PIK3R6: variants seen among roughly 807,000 people sequenced by gnomAD.
PIK3R6 encodes the protein phosphoinositide-3-kinase regulatory subunit 6, also known as phosphoinositide 3-kinase regulatory subunit 6.
PIK3R6 carries 91 observed loss-of-function variants against 84.9 expected under a neutral mutation model. The observed-to-expected ratio is 1.07, with a 90% confidence interval of 0.90 to 1.28. PIK3R6 has a LOEUF of 1.28. Ranked by LOEUF, PIK3R6 falls within the 50% of genes most tolerant of loss-of-function variation. The probability of loss-of-function intolerance (pLI) is 0.00; values close to 1 mark genes in which losing one functional copy is unlikely to be tolerated. For synonymous variants in PIK3R6, 416 were observed against 411.4 expected, an observed-to-expected ratio of 1.01 and a Z score of -0.13; for missense variants, 996 against 985.1, an observed-to-expected ratio of 1.01 and a Z score of -0.15.
In PIK3R6 at chr17:8,802,966, G is replaced by A; in HGVS notation, c.*307C>T. ...AAGGGCTGGATGGGGAGCTTGGGTGGGAGAGGACAGTGGGAGAAGTGGGAA... is the reference window on the plus strand; with the variant it reads ...AAGGGCTGGATGGGGAGCTTGGGTGAGAGAGGACAGTGGGAGAAGTGGGAA... On this transcript the variant is annotated 3_prime_UTR_variant, in exon 20 of 20. Coordinates refer to ENST00000619866, the MANE Select transcript of PIK3R6 (RefSeq NM_001010855.4). 1 of 325,470 alleles carries A rather than the reference G, an allele frequency of 3.1e-6. No homozygotes were observed. Among genetic ancestry groups the A allele is most frequent in the Non-Finnish European group, 5.8e-6 (1 of 173,834 alleles). 20.2% of individuals were successfully genotyped at this position (325,470 alleles called of 1,614,324 possible).
intron 18 of PIK3R6, among the ~76,000 whole-genome samples, chr17:8,811,388 TTGTC>T (rs966362343): frequency 2.0e-5 from 3 of 148,552 alleles, no homozygotes; most frequent in Admixed American, 6.8e-5. Flanking sequence ...ATTTTCCCCA[TTGTC>T]TTGGGGATTA....
chr17:8,853,476 C>T (rs1460783379), intron 1 of PIK3R6, among the ~76,000 whole-genome samples: 3 of 129,608 alleles, frequency 2.3e-5, no homozygotes, highest in African/African-American at 6.1e-5. Context: ...CAGAGCAAGA[C>T]TCCATCTCAA....
At chr17:8,817,740 G>A (rs918639188) in intron 18 of PIK3R6, among the ~76,000 whole-genome samples, 3 of 152,166 alleles carry the variant, frequency 2.0e-5, no homozygotes, top group Admixed American at 6.6e-5. Flanking sequence ...CAACATGGAG[G>A]TGACTTTGCC....
chr17:8,864,920 T>C (rs1228204860), intron 1 of PIK3R6, among the ~76,000 whole-genome samples: 1 of 152,158 alleles, frequency 6.6e-6, no homozygotes, highest in African/African-American at 2.4e-5. Context: ...GCATTCTTCC[T>C]TAAACACAGA....
In PIK3R6 at chr17:8,839,633, AG is replaced by A. The variant is rs1438722880; in HGVS notation, c.77del (p.Pro26LeufsTer55). On this transcript the variant is annotated frameshift_variant, in exon 3 of 20. Coordinates refer to ENST00000619866, the MANE Select transcript of PIK3R6 (RefSeq NM_001010855.4). LOFTEE classifies it high-confidence loss of function. This position sits in a 1 kb window ranked among gnomAD's most constrained non-coding sequence, Gnocchi z 4.2. ...TCTTACCTTGGTTGCTCTGCAGGGC[AG>A]GGGCCTGGGTGCTGAGCTCCCGGAG... ...AVLRELSTQA[P>X]ALQSNQGMWR... 2 of 1,575,218 alleles carry A rather than the reference AG, an allele frequency of 1.3e-6. No individual in the cohort carries two copies. Among genetic ancestry groups the A allele is most frequent in the Admixed American group, 1.9e-5 (1 of 53,876 alleles).
chr17:8,829,060 T>G, intron 10 of PIK3R6, 70 bp from the exon 11 acceptor site: 2 of 1,388,914 alleles, frequency 1.4e-6, no homozygotes, highest in Non-Finnish European at 9.6e-7. Flanking sequence ...TTTCAGCCAG[T>G]CCTCTTCAGA....
intron 18 of PIK3R6, among the ~76,000 whole-genome samples, chr17:8,814,237 T>TTTTTTTTTTC (rs2087455102): frequency 7.4e-6 from 1 of 135,834 alleles, no homozygotes; most frequent in Non-Finnish European, 1.6e-5. Context: ...TTTTTTTTTT[T>TTTTTTTTTTC]GAGACAGAGT....
chr17:8,822,700 C>T lies in PIK3R6; in HGVS notation c.1718-43G>A, dbSNP rs148859612. On this transcript the variant is annotated intron_variant, in intron 15 of 19. Transcript: ENST00000619866. The stretch of plus-strand genomic sequence containing the variant: ...GAGGCTTGGGGTGGAGGTTCCCAGG[C>T]CTCTTGCCCTAACTTCCCCACCTCT... 3.0e-4 allele frequency: 476 copies of T among 1,591,430 alleles called. 3 individuals are homozygous for T. The East Asian group carries it at 0.01, about 35-fold the overall frequency.
At chr17:8,832,371 CCTT>C (rs2088270479) in intron 9 of PIK3R6, among the ~76,000 whole-genome samples, 3 of 141,760 alleles carry the variant, frequency 2.1e-5, no homozygotes, top group Non-Finnish European at 4.5e-5. Flanking sequence ...AAATTACCCA[CCTT>C]CTTTTTTTTT....
intron 2 of PIK3R6, among the ~76,000 whole-genome samples, chr17:8,843,990 C>A (rs1311048751): frequency 6.6e-6 from 1 of 152,142 alleles, no homozygotes; most frequent in Non-Finnish European, 1.5e-5. Flanking sequence ...TGGCCCAGCC[C>A]AAGGGTGGAG....
intron 1 of PIK3R6, among the ~76,000 whole-genome samples, chr17:8,853,957 G>A (rs543497290): frequency 1.2e-4 from 15 of 125,200 alleles, no homozygotes; most frequent in East Asian, 4.2e-4. Flanking sequence ...GAGAGACTCC[G>A]TCTGAAAAAA....
At chr17:8,836,710 C>A in intron 6 of PIK3R6, 81 bp downstream of exon 6, 3 of 1,610,462 alleles carry the variant, frequency 1.9e-6, no homozygotes, top group African/African-American at 2.7e-5. Flanking sequence ...TTGAGCTCCC[C>A]GGTATCCTGG....
intron 10 of PIK3R6, 125 bp downstream of exon 10, chr17:8,829,581 C>A: frequency 1.0e-6 from 1 of 1,003,438 alleles, no homozygotes; most frequent in Non-Finnish European, 1.5e-6. Flanking sequence ...CACACAGACA[C>A]ACTGACACAC....
intron 8 of PIK3R6, 139 bp from the exon 9 acceptor site, chr17:8,833,184 G>A (rs948070381): frequency 1.8e-5 from 22 of 1,249,976 alleles, no homozygotes; most frequent in Non-Finnish European, 2.4e-5. Flanking sequence ...AGCTTCCCCC[G>A]AAGGCTTCTG....
At position 8,827,167 on chromosome 17, in the gene PIK3R6, C is replaced by T; in HGVS notation, c.1515+5G>A. On this transcript the variant is annotated splice_donor_5th_base_variant and intron_variant, in intron 13 of 19. Coordinates refer to ENST00000619866, the MANE Select transcript of PIK3R6 (RefSeq NM_001010855.4). ...TCCCTCCCTGGTACCCTCACCCTCC[C>T]CTACCATCTCAGCCAGCTTGTGGAT... 6.2e-7 allele frequency: 1 copy of T among 1,612,700 alleles called. No homozygotes were observed. Among genetic ancestry groups the T allele is most frequent in the South Asian group, 1.1e-5 (1 of 90,646 alleles).
At chr17:8,804,387 T>C (rs1002890802) in intron 18 of PIK3R6, among the ~76,000 whole-genome samples, 1 of 152,192 alleles carries the variant, frequency 6.6e-6, no homozygotes, top group Non-Finnish European at 1.5e-5. Context: ...GTCCTTGATT[T>C]TGAACACAAA....
At chr17:8,859,418 AC>A (rs2089219477) in intron 1 of PIK3R6, among the ~76,000 whole-genome samples, 1 of 152,174 alleles carries the variant, frequency 6.6e-6, no homozygotes, top group South Asian at 2.1e-4. Flanking sequence ...GCACACTGAA[AC>A]TGTCTCACCG....
chr17:8,840,838 C>T (rs865997514), intron 2 of PIK3R6, among the ~76,000 whole-genome samples: 17 of 151,644 alleles, frequency 1.1e-4, no homozygotes, highest in Non-Finnish European at 1.5e-4. Flanking sequence ...CTGCAATCTC[C>T]GCCTCCTGGG....
chr17:8,856,533 T>C (rs1480273358), intron 1 of PIK3R6, among the ~76,000 whole-genome samples: 1 of 152,152 alleles, frequency 6.6e-6, no homozygotes, highest in Non-Finnish European at 1.5e-5. Flanking sequence ...ACCCAGGAGA[T>C]GGAGTTTGCA....
Sources: allele counts gnomAD v4.1 joint callset (sites outside exome capture counted in the v4.1 genomes callset), GRCh38; gene constraint gnomAD v4.1.1; non-coding constraint Gnocchi (gnomAD v3.1); transcripts MANE v1.5; gene names NCBI Gene and HGNC (gene_info 2026-07-23, HGNC 2026-07-21).